The following CIT variants were observed in gnomAD, a reference collection of about 807,000 sequenced individuals.
CIT encodes the protein citron Rho-interacting kinase.
Under a neutral mutation model 272.7 loss-of-function variants are expected in CIT, and 79 were observed. The observed-to-expected ratio is 0.29, with a 90% CI of 0.24 to 0.35. CIT has a LOEUF of 0.35. Ranked by LOEUF, CIT falls within the 10% of genes least tolerant of loss-of-function variation. CIT has a pLI of 1.00. For missense variants in CIT, 1,909 were observed against 2,618.3 expected (o/e 0.73, Z 5.91); for synonymous variants, 948 against 995.6 (o/e 0.95, Z 0.90).
chr12:119,783,105 C>CT (rs1390222552), intron 12 of CIT: 1 of 152,574 alleles, frequency 6.6e-6, no homozygotes, highest in Non-Finnish European at 1.5e-5. Flanking sequence ...TACCTCCTGG[C>CT]TTATTTTTCC....
chr12:119,772,983 G>C, intron 16 of CIT, 73 bp from the exon 17 acceptor site: 1 of 1,244,918 alleles, frequency 8.0e-7, no homozygotes, highest in Non-Finnish European at 1.1e-6. Context: ...AGTATGTTCT[G>C]CACATGTATC....
rs142811369 is a variant in CIT, at chr12:119,712,616, G to A, written c.4659C>T (p.Ser1553=). The change falls in exon 36 of 48, where the codon TCC becomes TCT. Residue 1553 remains serine, a synonymous_variant. Transcript: ENST00000392521. This position sits in a 1 kb window ranked among gnomAD's most constrained non-coding sequence, Gnocchi z 5.2. The part of the protein sequence containing the change: ...DVSIHGAVGA[S]ELANTAKADV... ...CTGCTTTGGCTGTATTTGCGAGTTC[G>A]GAAGCACCAACGGCACCATGAATAG... 2.2e-5 allele frequency: 36 copies of A among 1,614,032 alleles called. No individual in the cohort carries two copies. Among genetic ancestry groups the A allele is most frequent in the Admixed American group, 5.0e-5 (3 of 60,002 alleles).
chr12:119,822,901 C>A lies in CIT; in HGVS notation c.1030G>T (p.Gly344Cys), dbSNP rs369209873. ...FLDLIQSLLC[G>C]QKERLKFEGL... ...TCAAACTTCAGTCTCTCTTTCTGGC[C>A]GCACAACAAGCTTTGAATCAGATCA... The change falls in exon 9 of 48, where the codon GGC (glycine) becomes TGC (cysteine). Residue 344 changes from glycine to cysteine, a missense_variant. Physicochemically the swap from Gly to Cys is radical, Grantham distance 159. Around this residue, in one of 8 missense-constraint regions of CIT, gnomAD observed 529 missense variants for 549.6 expected, o/e 0.96. Coordinates refer to ENST00000392521, the MANE Select transcript of CIT (RefSeq NM_001206999.2). 1 of 1,614,018 alleles carries A rather than the reference C, an allele frequency of 6.2e-7. No homozygotes were observed. The highest frequency in any genetic ancestry group is 1.1e-5 in the South Asian group (1 of 91,068).
At chr12:119,875,789 C>T (rs1413186507) in intron 2 of CIT, among the ~76,000 whole-genome samples, 3 of 152,104 alleles carry the variant, frequency 2.0e-5, no homozygotes, top group South Asian at 2.1e-4. Context: ...CGACCCTAGC[C>T]TGGCCAACAT....
At chr12:119,776,568 T>G in intron 14 of CIT, 104 bp downstream of exon 14, 1 of 1,224,194 alleles carries the variant, frequency 8.2e-7, no homozygotes, top group South Asian at 1.4e-5. Flanking sequence ...ATCCTACTAT[T>G]TCTCAAACTA....
Position 119,803,270 on chromosome 12 carries a change from C to T in CIT, c.1231G>A (p.Gly411Ser), listed in dbSNP as rs762158686. ...AACCCCACAAACGGCAGTTCTTCAC[C>T]CGAGAAGCCTGAGGGGCTCAGCTGG... Reference protein sequence around the residue: ...PCQLSPSGFSGEELPFVGFSY... With the variant: ...PCQLSPSGFSSEELPFVGFSY... The change falls in exon 10 of 48, where the codon GGT (glycine) becomes AGT (serine). Residue 411 changes from glycine (G) to serine (S), a missense_variant. Coordinates refer to ENST00000392521, the MANE Select transcript of CIT (RefSeq NM_001206999.2). 3.7e-6 allele frequency: 6 copies of T among 1,608,384 alleles called. No individual in the cohort carries two copies. The Admixed American group carries it at 1.0e-4, about 27-fold the overall frequency.
At position 119,770,943 on chromosome 12, in the gene CIT, T is replaced by C. The variant is rs1266877603; in HGVS notation, c.2083-33A>G. 1.2e-5 allele frequency: 20 copies of C among 1,611,714 alleles called. No homozygotes were observed. The Admixed American group carries it at 2.5e-4, about 20-fold the overall frequency. On this transcript the variant is annotated intron_variant, in intron 17 of 47. Coordinates refer to ENST00000392521, the MANE Select transcript of CIT (RefSeq NM_001206999.2). This position sits in a 1 kb window ranked among gnomAD's most constrained non-coding sequence, Gnocchi z 4.4. Reference sequence around the variant, plus strand: ...TCATGAATCAATCAGAGAGTTTTAATGGAGTAACCGCTATGGGCATAACAC... The same window carrying C: ...TCATGAATCAATCAGAGAGTTTTAACGGAGTAACCGCTATGGGCATAACAC...
chr12:119,811,703 T>C (rs747720091), intron 9 of CIT, among the ~76,000 whole-genome samples: 1 of 152,354 alleles, frequency 6.6e-6, no homozygotes, highest in East Asian at 1.9e-4. Context: ...ATTCATACTT[T>C]TAGAGATGCT....
chr12:119,858,922 A>G (rs1284811475), intron 3 of CIT, among the ~76,000 whole-genome samples: 1 of 152,158 alleles, frequency 6.6e-6, no homozygotes, highest in African/African-American at 2.4e-5. Context: ...ACATGTCCAA[A>G]TGGATTTGCA....
intron 10 of CIT, among the ~76,000 whole-genome samples, chr12:119,789,359 T>G (rs1023492613): frequency 6.6e-6 from 1 of 152,224 alleles, no homozygotes; most frequent in African/African-American, 2.4e-5. Flanking sequence ...TTCATCACTC[T>G]TTGAGTAAGA....
At chr12:119,789,035 ACACCTTCC>A (rs1272066411) in intron 10 of CIT, among the ~76,000 whole-genome samples, 2 of 152,304 alleles carry the variant, frequency 1.3e-5, no homozygotes, top group East Asian at 3.9e-4. Flanking sequence ...CAGGCTTCCT[ACACCTTCC>A]CTGGTCCTCA....
At chr12:119,853,218 C>T (rs552296632) in intron 4 of CIT, among the ~76,000 whole-genome samples, 1 of 151,528 alleles carries the variant, frequency 6.6e-6, no homozygotes, top group African/African-American at 2.4e-5. Flanking sequence ...TCAATCCCAC[C>T]TACTCAGAAG....
At chr12:119,754,680 G>A (rs984681555) in intron 22 of CIT, among the ~76,000 whole-genome samples, 1 of 152,212 alleles carries the variant, frequency 6.6e-6, no homozygotes, top group African/African-American at 2.4e-5. Context: ...CTCAGTAGCA[G>A]CATGTGGCCA....
chr12:119,718,581 T>A lies in CIT; in HGVS notation c.4003+118A>T. ...TTTTTCAGACATGGGATGTCTGGTCTGAAAGCGTATGGGCCATAAACGAAG... is the reference window on the plus strand; with the variant it reads ...TTTTTCAGACATGGGATGTCTGGTCAGAAAGCGTATGGGCCATAAACGAAG... On this transcript the variant is annotated intron_variant, in intron 31 of 47. Transcript: ENST00000392521. The surrounding 1 kb of genome is among the most constrained non-coding windows in gnomAD (Gnocchi z 4.8). 3 of 1,439,850 alleles carry A rather than the reference T, an allele frequency of 2.1e-6. No homozygotes were observed. The highest frequency in any genetic ancestry group is 2.9e-6 in the Non-Finnish European group (3 of 1,051,364). 89.2% of individuals were successfully genotyped at this position (1,439,850 alleles called of 1,614,324 possible).
chr12:119,867,236 T>A (rs948538537), intron 3 of CIT, among the ~76,000 whole-genome samples: 8 of 152,020 alleles, frequency 5.3e-5, no homozygotes, highest in Non-Finnish European at 1.2e-4. Context: ...TTGCCCAAGC[T>A]GGAGTGCAAT....
chr12:119,820,842 C>T (rs1182534473), intron 9 of CIT, among the ~76,000 whole-genome samples: 4 of 151,956 alleles, frequency 2.6e-5, no homozygotes, highest in Non-Finnish European at 2.9e-5. Flanking sequence ...TGATGGCACA[C>T]ACCTGTAGTC....
chr12:119,699,982 T>A, intron 44 of CIT: 1 of 450,898 alleles, frequency 2.2e-6, no homozygotes, highest in South Asian at 1.6e-5. Context: ...AATCAGGGGG[T>A]GCTATCTAAC....
chr12:119,720,892 C>T (rs574718198), intron 29 of CIT, among the ~76,000 whole-genome samples: 1 of 152,332 alleles, frequency 6.6e-6, no homozygotes, highest in East Asian at 1.9e-4. Context: ...GGAAAATACA[C>T]ACAATATGCA....
In CIT at chr12:119,850,248, T is replaced by C. The variant is rs1363199657; in HGVS notation, c.442A>G (p.Ile148Val). 6.2e-7 allele frequency: 1 copy of C among 1,612,954 alleles called. No homozygotes were observed. Among genetic ancestry groups the C allele is most frequent in the Non-Finnish European group, 8.5e-7 (1 of 1,179,426 alleles). ...QVSFFEEERN[I>V]LSRSTSPWIP... The stretch of plus-strand genomic sequence containing the variant: ...CACGGGCTTGTGCTTCGAGATAATA[T>C]GTTCCGCTCTTCCTCAAAAAATGAA... The change falls in exon 5 of 48, where the codon ATA (isoleucine) becomes GTA (valine). Residue 148 changes from isoleucine (I) to valine (V), a missense_variant. Physicochemically the swap from Ile to Val is conservative, Grantham distance 29 (BLOSUM62 3). Coordinates refer to ENST00000392521, the MANE Select transcript of CIT (RefSeq NM_001206999.2).
Sources: allele counts gnomAD v4.1 joint callset (sites outside exome capture counted in the v4.1 genomes callset), GRCh38; gene constraint gnomAD v4.1.1; regional missense constraint gnomAD v4.1.1; non-coding constraint Gnocchi (gnomAD v3.1); transcripts MANE v1.5; gene names NCBI Gene and HGNC (gene_info 2026-07-23, HGNC 2026-07-21).